The following ROBO2 variants were observed in gnomAD, a reference collection of about 807,000 sequenced individuals.
ROBO2 encodes roundabout homolog 2.
In ROBO2, 53 loss-of-function variants were observed where a neutral mutation model predicts 160.8. The ratio of observed to expected loss-of-function variants is 0.33; its 90% CI spans 0.26 to 0.41. The LOEUF (loss-of-function observed/expected upper bound fraction) is 0.41. Ranked by LOEUF, ROBO2 falls within the 10% of genes least tolerant of loss-of-function variation. The pLI is 1.00. For synonymous variants in ROBO2, 664 were observed against 611.7 expected (o/e 1.09, Z -1.26); for missense variants, 1,577 against 1,722.4 (o/e 0.92, Z 1.49).
intron 2 of ROBO2, among the ~76,000 whole-genome samples, chr3:77,181,284 A>C (rs1056164790): frequency 6.6e-6 from 1 of 152,076 alleles, no homozygotes; most frequent in Non-Finnish European, 1.5e-5. Flanking sequence ...AGATTATCTG[A>C]CTTGTTGTGG....
intron 2 of ROBO2, among the ~76,000 whole-genome samples, chr3:76,892,906 G>A (rs1434773793): frequency 2.6e-5 from 4 of 152,010 alleles, no homozygotes; most frequent in African/African-American, 9.7e-5. Flanking sequence ...TTAATTCATT[G>A]AGGAAATATA....
intron 21 of ROBO2, among the ~76,000 whole-genome samples, chr3:77,616,712 G>T (rs1004214638): frequency 1.3e-5 from 2 of 152,028 alleles, no homozygotes; most frequent in Non-Finnish European, 2.9e-5. Context: ...AGACTACAGA[G>T]AATTGAAATA....
rs576402370 is a variant in ROBO2 at position 77,553,951 on chromosome 3, A to G, written c.1231+2962A>G. Among the ~76,000 whole-genome samples the G allele has an allele frequency of 7.9e-5, 12 of 152,106 alleles. No homozygotes were observed. In the South Asian group the frequency reaches 2.5e-3, roughly 32 times the overall value. On this transcript the variant is annotated intron_variant, in intron 8 of 25. Transcript: ENST00000461745. ...AGTGGCTATACTAAACAGATTTTCA[A>G]TGTAGACAAAGCATGCATATATTGA...
chr3:76,406,393 T>C (rs1250914813), intron 2 of ROBO2, among the ~76,000 whole-genome samples: 1 of 151,926 alleles, frequency 6.6e-6, no homozygotes, highest in Non-Finnish European at 1.5e-5. Flanking sequence ...GCAATAGTTG[T>C]AAACAGATGA....
chr3:77,147,610 A>G (rs1164775836), intron 2 of ROBO2, among the ~76,000 whole-genome samples: 3 of 152,204 alleles, frequency 2.0e-5, no homozygotes, highest in African/African-American at 7.2e-5. Context: ...ACACCGTTGT[A>G]TGTTAGAATG....
intron 2 of ROBO2, among the ~76,000 whole-genome samples, chr3:76,699,329 C>T (rs973137992): frequency 1.3e-5 from 2 of 152,126 alleles, no homozygotes; most frequent in South Asian, 2.1e-4. Flanking sequence ...GTGCTTTACA[C>T]TTCAGTTGTC....
At chr3:76,604,694 A>G (rs2087501839) in intron 2 of ROBO2, among the ~76,000 whole-genome samples, 1 of 152,178 alleles carries the variant, frequency 6.6e-6, no homozygotes, top group Non-Finnish European at 1.5e-5. Flanking sequence ...CTCAAATGCC[A>G]GGAAGTTTTC....
At chr3:76,362,834 C>T (rs772346674) in intron 2 of ROBO2, among the ~76,000 whole-genome samples, 1 of 151,984 alleles carries the variant, frequency 6.6e-6, no homozygotes, top group Non-Finnish European at 1.5e-5. Context: ...CGCCAAACTT[C>T]CTCATCTTTT....
intron 2 of ROBO2, among the ~76,000 whole-genome samples, chr3:76,248,547 C>A (rs987504036): frequency 2.7e-5 from 4 of 150,904 alleles, no homozygotes; most frequent in African/African-American, 9.8e-5. Flanking sequence ...TGCTAGATGA[C>A]AAGTTAGTGG....
intron 2 of ROBO2, among the ~76,000 whole-genome samples, chr3:76,574,846 G>A (rs973967540): frequency 1.1e-4 from 16 of 151,984 alleles, no homozygotes; most frequent in East Asian, 3.9e-4. Flanking sequence ...CCCAGGTGCC[G>A]CCAGTGCTGC....
chr3:77,409,018 G>A (rs550840752), intron 2 of ROBO2, among the ~76,000 whole-genome samples: 11 of 151,566 alleles, frequency 7.3e-5, no homozygotes, highest in Non-Finnish European at 1.3e-4. Flanking sequence ...ACAGGTGTGA[G>A]CCATCATACC....
At chr3:77,628,453 G>T (rs959136184) in intron 23 of ROBO2, among the ~76,000 whole-genome samples, 11 of 147,298 alleles carry the variant, frequency 7.5e-5, no homozygotes, top group Non-Finnish European at 1.5e-4. Flanking sequence ...TTTGTGGGGG[G>T]GGGGTAATTG....
intron 2 of ROBO2, among the ~76,000 whole-genome samples, chr3:76,262,050 C>T (rs1202549538): frequency 1.3e-5 from 2 of 152,014 alleles, no homozygotes; most frequent in African/African-American, 4.8e-5. Flanking sequence ...AAGCCTGTCA[C>T]GTGGTGGAAG....
chr3:77,576,639 T>C (rs929154561), intron 14 of ROBO2, among the ~76,000 whole-genome samples: 1 of 152,126 alleles, frequency 6.6e-6, no homozygotes, highest in African/African-American at 2.4e-5. Flanking sequence ...CTCTCTTGCC[T>C]TTTCTCAGTA....
intron 2 of ROBO2, among the ~76,000 whole-genome samples, chr3:77,249,793 A>G (rs2090140256): frequency 6.6e-6 from 1 of 151,850 alleles, no homozygotes; most frequent in Non-Finnish European, 1.5e-5. Context: ...TCAAATTTGA[A>G]TATAGCTACT....
chr3:76,534,858 G>C (rs928889341), intron 2 of ROBO2, among the ~76,000 whole-genome samples: 3 of 152,092 alleles, frequency 2.0e-5, no homozygotes, highest in Admixed American at 2.0e-4. Context: ...AGCATTGAGA[G>C]GTGATGGTTT....
At chr3:77,465,516 A>G (rs1466044777) in intron 2 of ROBO2, among the ~76,000 whole-genome samples, 1 of 152,092 alleles carries the variant, frequency 6.6e-6, no homozygotes, top group African/African-American at 2.4e-5. Context: ...AGGCAGTACT[A>G]TTTGTTTTCT....
Position 77,108,156 on chromosome 3 carries a change from T to TTA in ROBO2, c.388+9823_388+9824dup, listed in dbSNP as rs573911525. Among the ~76,000 whole-genome samples the TTA allele has an allele frequency of 1.1e-3, 151 of 142,402 alleles. 2 individuals are homozygous for TTA. The highest frequency in any genetic ancestry group is 7.3e-3 in the Middle Eastern group (2 of 274). The allele number at this position is 142,402 out of a possible 152,430, so 93.4% of individuals were successfully genotyped here. A position where few individuals can be genotyped will look rare whatever the true frequency, so the allele number is the denominator to read the frequency against. ...TATACATATATGTGTGTATCCATGT[T>TTA]TATATATACATATGTATACACATAT... On this transcript the variant is annotated intron_variant, in intron 2 of 25. Coordinates refer to ENST00000461745, the Ensembl canonical transcript of ROBO2.
At chr3:76,135,962 C>CA (rs5850235) in intron 2 of ROBO2, among the ~76,000 whole-genome samples, 143,278 of 151,930 alleles carry the variant, frequency 0.94, 67,607 homozygotes, top group South Asian at 0.98. Flanking sequence ...TATTATTTAC[C>CA]AAAAAAAATC....
Sources: gnomAD v4.1 joint callset for allele counts (sites outside exome capture counted in the v4.1 genomes callset) on GRCh38, gnomAD v4.1.1 for gene constraint, MANE v1.5 for transcripts, NCBI Gene and HGNC (gene_info 2026-07-23, HGNC 2026-07-21) for gene names.